PDZRN3: variants seen among roughly 807,000 people sequenced by gnomAD.
PDZRN3 encodes the protein E3 ubiquitin-protein ligase PDZRN3.
PDZRN3 carries 38 observed loss-of-function variants against 85.7 expected under a neutral mutation model. That is an observed-to-expected ratio of 0.44 (90% CI 0.34 to 0.58). The LOEUF is 0.58. Among genes scored for constraint, PDZRN3 ranks in the 20% least tolerant of loss-of-function variants. The pLI, the probability that PDZRN3 is intolerant of heterozygous loss-of-function variation, is 0.01. For synonymous variants in PDZRN3, 759 were observed against 638.0 expected, an observed-to-expected ratio of 1.19 and a Z score of -2.86; for missense variants, 1,629 against 1,506.4, an observed-to-expected ratio of 1.08 and a Z score of -1.35.
At position 73,421,760 on chromosome 3, in the gene PDZRN3, G is replaced by A. The variant is rs146786306; in HGVS notation, c.919-17365C>T. ...CCTCCCAGGTTCAAGCGATTCTCCT[G>A]CCTCAGCCTCCCAAGTAGCTGGGAC... is the stretch of plus-strand genomic sequence containing the variant. On this transcript the variant is annotated intron_variant, in intron 3 of 9. Transcript: ENST00000263666. Among the ~76,000 whole-genome samples, 513 of 152,236 alleles carry A rather than the reference G, an allele frequency of 3.4e-3. 7 individuals carry two copies. The highest frequency in any genetic ancestry group is 0.012 in the African/African-American group (488 of 41,554).
intron 3 of PDZRN3, among the ~76,000 whole-genome samples, chr3:73,600,168 G>A (rs1575758343): frequency 6.6e-6 from 1 of 152,102 alleles, no homozygotes; most frequent in African/African-American, 2.4e-5. Context: ...GACTCAATTA[G>A]TATCTCTGGA....
intron 3 of PDZRN3, among the ~76,000 whole-genome samples, chr3:73,460,306 A>G (rs149555864): frequency 2.9e-4 from 44 of 152,266 alleles, no homozygotes; most frequent in African/African-American, 9.6e-4. Context: ...CTATGCTAAC[A>G]TTCTCTCCAT....
intron 1 of PDZRN3, among the ~76,000 whole-genome samples, chr3:73,618,303 T>C (rs1702796834): frequency 6.6e-6 from 1 of 152,204 alleles, no homozygotes; most frequent in Non-Finnish European, 1.5e-5. Context: ...GTACTTGGCA[T>C]ACATAATAAT....
At chr3:73,563,471 T>A (rs1038281547) in intron 3 of PDZRN3, among the ~76,000 whole-genome samples, 2 of 152,186 alleles carry the variant, frequency 1.3e-5, no homozygotes, top group Non-Finnish European at 2.9e-5. Context: ...AACCTTATAT[T>A]TTTTAAAAAG....
chr3:73,540,789 A>G (rs181923723), intron 3 of PDZRN3, among the ~76,000 whole-genome samples: 7 of 152,334 alleles, frequency 4.6e-5, no homozygotes, highest in Admixed American at 2.0e-4. Flanking sequence ...TGGCAGCATG[A>G]GAACAGACTA....
intron 3 of PDZRN3, among the ~76,000 whole-genome samples, chr3:73,512,215 C>A (rs1013686171): frequency 1.3e-5 from 2 of 152,208 alleles, no homozygotes; most frequent in Non-Finnish European, 2.9e-5. Flanking sequence ...TAGGAGAGCA[C>A]AACTTTGTAA....
rs140300143 is a variant in PDZRN3, at chr3:73,384,579, C to T, written c.1987G>A (p.Gly663Ser). Residue 663 changes from glycine to serine, a missense_variant, in exon 10 of 10, where the codon GGC (glycine) becomes AGC (serine). Coordinates refer to ENST00000263666, the MANE Select transcript of PDZRN3 (RefSeq NM_015009.3). ...AGGGGGCCGCTAGGGTAGTACAGGC[C>T]GTAAGGGGTGGCGCTCTTCACCTGG... ...KCQVKSATPY[G>S]LYYPSGPLDA... 10,079 of 1,613,662 alleles carry T rather than the reference C, an allele frequency of 6.2e-3. 45 individuals are homozygous for T. Among genetic ancestry groups the T allele is most frequent in the Non-Finnish European group, 7.4e-3 (8,722 of 1,180,014 alleles).
At chr3:73,472,608 C>CT (rs540074034) in intron 3 of PDZRN3, among the ~76,000 whole-genome samples, 217 of 152,328 alleles carry the variant, frequency 1.4e-3, no homozygotes, top group African/African-American at 4.6e-3. Context: ...GACCACAGCA[C>CT]TTTGTCTCTC....
chr3:73,531,046 C>G (rs977963550), intron 3 of PDZRN3, among the ~76,000 whole-genome samples: 1 of 151,978 alleles, frequency 6.6e-6, no homozygotes, highest in African/African-American at 2.4e-5. Flanking sequence ...GTCAGGAGAT[C>G]GAGACCATCC....
intron 3 of PDZRN3, among the ~76,000 whole-genome samples, chr3:73,570,310 G>A (rs541833124): frequency 6.6e-6 from 1 of 152,316 alleles, no homozygotes; most frequent in South Asian, 2.1e-4. Context: ...ACATCTAGAA[G>A]AGACAACGAA....
intron 3 of PDZRN3, among the ~76,000 whole-genome samples, chr3:73,462,314 C>G (rs751422989): frequency 6.6e-6 from 1 of 151,918 alleles, no homozygotes; most frequent in Non-Finnish European, 1.5e-5. Context: ...GAGGCCGAGG[C>G]GGGCAGATCA....
chr3:73,523,455 A>G (rs1704446432), intron 3 of PDZRN3, among the ~76,000 whole-genome samples: 1 of 151,708 alleles, frequency 6.6e-6, no homozygotes, highest in Admixed American at 6.6e-5. Flanking sequence ...TGCAATAGCT[A>G]TATATATATA....
chr3:73,398,152 T>C (rs1250405644), intron 5 of PDZRN3, among the ~76,000 whole-genome samples: 2 of 152,214 alleles, frequency 1.3e-5, no homozygotes, highest in African/African-American at 4.8e-5. Context: ...GCGTTGTGTC[T>C]GCTTTTATTC....
chr3:73,567,200 AACATGG>A (rs1701965038), intron 3 of PDZRN3, among the ~76,000 whole-genome samples: 1 of 152,206 alleles, frequency 6.6e-6, no homozygotes, highest in South Asian at 2.1e-4. Context: ...TAGTTTGATC[AACATGG>A]ACATCTATCC....
chr3:73,412,338 G>GTC (rs1488768537), intron 3 of PDZRN3, among the ~76,000 whole-genome samples: 1 of 152,148 alleles, frequency 6.6e-6, no homozygotes, highest in Non-Finnish European at 1.5e-5. Flanking sequence ...TTTCATCAGA[G>GTC]TCTAGAAGGC....
At chr3:73,511,166 A>AT (rs888651510) in intron 3 of PDZRN3, among the ~76,000 whole-genome samples, 15 of 151,996 alleles carry the variant, frequency 9.9e-5, no homozygotes, top group African/African-American at 3.1e-4. Flanking sequence ...GCTTTTCTCT[A>AT]TTTTTCACCC....
intron 3 of PDZRN3, among the ~76,000 whole-genome samples, chr3:73,548,028 C>A (rs545906182): frequency 6.6e-6 from 1 of 152,116 alleles, no homozygotes; most frequent in South Asian, 2.1e-4. Flanking sequence ...GGTTTCAGAA[C>A]GAAGAGGTTG....
chr3:73,439,476 G>A (rs1702591941), intron 3 of PDZRN3, among the ~76,000 whole-genome samples: 1 of 152,188 alleles, frequency 6.6e-6, no homozygotes, highest in Non-Finnish European at 1.5e-5. Context: ...AGTCACTCGT[G>A]AACCCTCATC....
intron 3 of PDZRN3, among the ~76,000 whole-genome samples, chr3:73,595,445 C>T (rs918286311): frequency 1.3e-5 from 2 of 151,982 alleles, no homozygotes; most frequent in Non-Finnish European, 2.9e-5. Context: ...CTAACATTAA[C>T]CAAAAATGGA....
Sources: allele counts gnomAD v4.1 joint callset (sites outside exome capture counted in the v4.1 genomes callset), GRCh38; gene constraint gnomAD v4.1.1; transcripts MANE v1.5; gene names NCBI Gene and HGNC (gene_info 2026-07-23, HGNC 2026-07-21).